The following PPIP5K1 variants were observed in gnomAD, a reference collection of about 807,000 sequenced individuals.
The protein encoded by PPIP5K1 is diphosphoinositol pentakisphosphate kinase 1, also known as inositol hexakisphosphate and diphosphoinositol-pentakisphosphate kinase 1.
Under a neutral mutation model 27.7 loss-of-function variants are expected in PPIP5K1, and 6 were observed. That is an observed-to-expected ratio of 0.22 (90% CI 0.12 to 0.43). The LOEUF (loss-of-function observed/expected upper bound fraction) is 0.43, where lower values mean the gene tolerates loss of function less well. Ranked by LOEUF, PPIP5K1 falls within the 20% of genes least tolerant of loss-of-function variation. The pLI, the probability that PPIP5K1 is intolerant of heterozygous loss-of-function variation, is 1.00. For missense variants in PPIP5K1, 394 were observed against 635.4 expected (o/e 0.62, Z 4.08); for synonymous variants, 145 against 242.6 (o/e 0.60, Z 3.74).
Position 43,534,408 on chromosome 15 carries a change from T to G in PPIP5K1, c.*266A>C, listed in dbSNP as rs1285977730. On this transcript the variant is annotated 3_prime_UTR_variant, in exon 32 of 32. Transcript: ENST00000420765. Reference sequence around the variant, plus strand: ...AACCACAGCTCTGGCACAGGTATGCTTCATACAAAGAGAACTACTTCCCCA... The same window carrying G: ...AACCACAGCTCTGGCACAGGTATGCGTCATACAAAGAGAACTACTTCCCCA... 2 of 340,318 alleles carry G rather than the reference T, an allele frequency of 5.9e-6. No homozygotes were observed. The highest frequency in any genetic ancestry group is 4.2e-5 in the African/African-American group (2 of 47,262). 21.1% of individuals were successfully genotyped at this position (340,318 alleles called of 1,614,324 possible).
intron 30 of PPIP5K1, among the ~76,000 whole-genome samples, chr15:43,545,096 T>C (rs2081205262): frequency 6.6e-6 from 1 of 150,810 alleles, no homozygotes; most frequent in Non-Finnish European, 1.5e-5. Flanking sequence ...GAGAATGACG[T>C]GAACCCAGGA....
At chr15:43,542,170 G>C (rs2080812667) in intron 30 of PPIP5K1, among the ~76,000 whole-genome samples, 1 of 152,142 alleles carries the variant, frequency 6.6e-6, no homozygotes, top group Non-Finnish European at 1.5e-5. Flanking sequence ...TGATTATACT[G>C]AACTACAGTT....
At chr15:43,544,676 G>A (rs1294562466) in intron 30 of PPIP5K1, among the ~76,000 whole-genome samples, 1 of 152,072 alleles carries the variant, frequency 6.6e-6, no homozygotes, top group African/African-American at 2.4e-5. Flanking sequence ...CATGCCTGTA[G>A]TCCCAGCTAT....
At chr15:43,565,830 G>A (rs1217418343) in intron 26 of PPIP5K1, among the ~76,000 whole-genome samples, 1 of 35,628 alleles carries the variant, frequency 2.8e-5, no homozygotes, top group African/African-American at 1.5e-4. Flanking sequence ...GATTATTGGT[G>A]TGAGCCACAG....
rs139100270 is a variant in PPIP5K1, at chr15:43,586,706, G to GATAATA, written c.-122-1820_-122-1815dup. On this transcript the variant is annotated intron_variant, in intron 1 of 31. Coordinates refer to ENST00000420765, the MANE Select transcript of PPIP5K1 (RefSeq NM_001394395.1). ...GCAAAACCCTGCCTCAAATAATGAT[G>GATAATA]ATAATAATAATAATAATAATAATAA... 1.4e-3 allele frequency among the ~76,000 whole-genome samples: 137 copies of GATAATA among 96,570 alleles called. 9 individuals are homozygous for GATAATA. The highest frequency in any genetic ancestry group is 3.1e-3 in the South Asian group (8 of 2,556). 63.4% of individuals were successfully genotyped at this position (96,570 alleles called of 152,430 possible).
chr15:43,558,827 C>A lies in PPIP5K1; in HGVS notation c.3524G>T (p.Arg1175Leu). The A allele has an allele frequency of 1.2e-6, 2 of 1,614,048 alleles. No homozygotes were observed. Among genetic ancestry groups the A allele is most frequent in the South Asian group, 2.2e-5 (2 of 91,086 alleles). ...TGCCTGTGCCTGGGCATCAGTGTGG[C>A]GCTGGCAGACTCTACTCAAGAATTC... The part of the protein sequence containing the change: ...VSEFLSRVCQ[R>L]HTDAQAQASA... The change falls in exon 30 of 32, where the codon CGC (arginine) becomes CTC (leucine). Residue 1175 changes from arginine (R) to leucine (L), a missense_variant. By Grantham distance (102) the Arg-to-Leu change is moderately radical (BLOSUM62 -2). Transcript: ENST00000420765.
Position 43,547,096 on chromosome 15 carries a change from G to A in PPIP5K1, c.3557-7513C>T, listed in dbSNP as rs747768596. ...TTTTCTTTATTTTTAATGGCTATCC[G>A]GTGGGTATGAAGTGGTATGTCACTG... On this transcript the variant is annotated intron_variant, in intron 30 of 31. Coordinates refer to ENST00000420765, the MANE Select transcript of PPIP5K1 (RefSeq NM_001394395.1). 5.1e-4 allele frequency among the ~76,000 whole-genome samples: 77 copies of A among 152,104 alleles called. 1 individual carries two copies. The highest frequency in any genetic ancestry group is 2.9e-4 in the African/African-American group (12 of 41,448).
chr15:43,558,665 T>C (rs962135570), intron 30 of PPIP5K1, 130 bp downstream of exon 30: 5 of 1,300,710 alleles, frequency 3.8e-6, no homozygotes, highest in African/African-American at 3.0e-5. Flanking sequence ...CCAGCAATTA[T>C]ACATTTTTAA....
At chr15:43,542,436 C>T (rs542552781) in intron 30 of PPIP5K1, among the ~76,000 whole-genome samples, 2 of 151,502 alleles carry the variant, frequency 1.3e-5, no homozygotes, top group Non-Finnish European at 2.9e-5. Flanking sequence ...AGACTACAGG[C>T]GCATAGCACA....
intron 28 of PPIP5K1, among the ~76,000 whole-genome samples, chr15:43,561,261 T>C (rs2141200445): frequency 9.2e-6 from 1 of 108,600 alleles, no homozygotes; most frequent in Middle Eastern, 4.2e-3. Context: ...TGTACCTTAC[T>C]GTTGTTTAAA....
chr15:43,557,423 G>C (rs964984216), intron 30 of PPIP5K1, among the ~76,000 whole-genome samples: 1 of 152,104 alleles, frequency 6.6e-6, no homozygotes, highest in African/African-American at 2.4e-5. Context: ...ACTCCAGCCT[G>C]GGTGACAGAG....
intron 30 of PPIP5K1, among the ~76,000 whole-genome samples, chr15:43,557,231 G>T (rs1177108722): frequency 6.6e-6 from 1 of 152,130 alleles, no homozygotes; most frequent in Non-Finnish European, 1.5e-5. Context: ...TGGATCACCT[G>T]AGGTCAGGAG....
chr15:43,555,638 G>A (rs772946963), intron 30 of PPIP5K1, among the ~76,000 whole-genome samples: 5 of 145,898 alleles, frequency 3.4e-5, no homozygotes, highest in Admixed American at 6.9e-5. Flanking sequence ...ATGGAGTCTC[G>A]CTGTGTTGCC....
At chr15:43,542,172 AC>A (rs769613639) in intron 30 of PPIP5K1, among the ~76,000 whole-genome samples, 2 of 152,208 alleles carry the variant, frequency 1.3e-5, no homozygotes, top group South Asian at 2.1e-4. Context: ...ATTATACTGA[AC>A]TACAGTTCTC....
intron 30 of PPIP5K1, among the ~76,000 whole-genome samples, chr15:43,545,194 A>C (rs1451458457): frequency 1.3e-5 from 2 of 151,922 alleles, no homozygotes; most frequent in Non-Finnish European, 2.9e-5. Context: ...AAAAAAAAAA[A>C]AGTGGATTAT....
chr15:43,579,846 G>GT (rs1349354528), intron 10 of PPIP5K1, among the ~76,000 whole-genome samples: 5 of 5,190 alleles, frequency 9.6e-4, no homozygotes, highest in Non-Finnish European at 1.4e-3. Flanking sequence ...TTTTTTTTGG[G>GT]TTTTTTTTTT....
chr15:43,559,694 A>G (rs2083529873), intron 29 of PPIP5K1, among the ~76,000 whole-genome samples: 1 of 151,966 alleles, frequency 6.6e-6, no homozygotes, highest in Non-Finnish European at 1.5e-5. Context: ...AAGAATTCCA[A>G]TGTAGGTCTA....
At chr15:43,559,940 A>T (rs2083567545) in intron 29 of PPIP5K1, among the ~76,000 whole-genome samples, 3 of 151,730 alleles carry the variant, frequency 2.0e-5, no homozygotes, top group African/African-American at 7.3e-5. Context: ...CGTAACTCAA[A>T]AGGATTATAG....
intron 30 of PPIP5K1, among the ~76,000 whole-genome samples, chr15:43,555,898 G>A (rs2082879818): frequency 6.6e-6 from 1 of 152,110 alleles, no homozygotes; most frequent in South Asian, 2.1e-4. Context: ...GAGCCACCAT[G>A]CCTGGCCTTA....
Sources: allele counts gnomAD v4.1 joint callset (sites outside exome capture counted in the v4.1 genomes callset), GRCh38; gene constraint gnomAD v4.1.1; transcripts MANE v1.5; gene names NCBI Gene and HGNC (gene_info 2026-07-23, HGNC 2026-07-21).